The following PTPRS variants were observed in gnomAD, a reference collection of about 807,000 sequenced individuals.
PTPRS encodes the protein protein tyrosine phosphatase receptor type S, also known as receptor-type tyrosine-protein phosphatase S.
In PTPRS, 63 loss-of-function variants were observed where a neutral mutation model predicts 215.3. The observed-to-expected ratio is 0.29, with a 90% CI of 0.24 to 0.36. The LOEUF (loss-of-function observed/expected upper bound fraction) is 0.36, where lower values mean the gene tolerates loss of function less well. Ranked by LOEUF, PTPRS falls within the 10% of genes least tolerant of loss-of-function variation. The pLI is 1.00. For synonymous variants in PTPRS, 1,404 were observed against 1,191.4 expected, an observed-to-expected ratio of 1.18 and a Z score of -3.68; for missense variants, 2,258 against 2,825.8, an observed-to-expected ratio of 0.80 and a Z score of 4.56.
chr19:5,219,412 T>TG lies in PTPRS; in HGVS notation c.3820dup (p.Gln1274ProfsTer40). The stretch of plus-strand genomic sequence containing the variant: ...CCCCTCCTCGCCATCCACGATGGGC[T>TG]GGGGGTCCGGGTTATCCAGCTGGAA... On this transcript the variant is annotated frameshift_variant, in exon 23 of 38. Coordinates refer to ENST00000262963, the MANE Select transcript of PTPRS (RefSeq NM_002850.4). LOFTEE classifies it high-confidence loss of function. The TG allele has an allele frequency of 6.2e-7, 1 of 1,613,030 alleles. No homozygotes were observed. The highest frequency in any genetic ancestry group is 8.5e-7 in the Non-Finnish European group (1 of 1,179,538).
At chr19:5,230,276 G>T (rs890247398) in intron 14 of PTPRS, among the ~76,000 whole-genome samples, 1 of 152,182 alleles carries the variant, frequency 6.6e-6, no homozygotes, top group African/African-American at 2.4e-5. Context: ...CTCAGAAAAC[G>T]AATCAGGTTC....
At chr19:5,267,383 G>A (rs1018237311) in intron 4 of PTPRS, among the ~76,000 whole-genome samples, 11 of 152,118 alleles carry the variant, frequency 7.2e-5, no homozygotes, top group African/African-American at 1.9e-4. Context: ...TGGGCCGGCC[G>A]TGGGGGCTCA....
chr19:5,208,528 T>A (rs1451617167), intron 35 of PTPRS, 137 bp from the exon 36 acceptor site: 6 of 916,848 alleles, frequency 6.5e-6, no homozygotes, highest in Non-Finnish European at 7.8e-6. Flanking sequence ...GTCGCCCAGG[T>A]TGGAGTGCAA....
chr19:5,294,536 G>A lies in PTPRS; in HGVS notation c.-94-8302C>T, dbSNP rs1167476224. The A allele has an allele frequency of 6.6e-6, 1 of 152,224 alleles. No homozygotes were observed. Among genetic ancestry groups the A allele is most frequent in the African/African-American group, 2.4e-5 (1 of 41,440 alleles). 9.4% of individuals were successfully genotyped at this position (152,224 alleles called of 1,614,324 possible). A position where few individuals can be genotyped will look rare whatever the true frequency, so the allele number is the denominator to read the frequency against. Reference sequence around the variant, plus strand: ...GGGCAAAGGACGTGGGCTTTGATGGGAGACACACAGGCGGCTGTGAGAGCC... The same window carrying A: ...GGGCAAAGGACGTGGGCTTTGATGGAAGACACACAGGCGGCTGTGAGAGCC... On this transcript the variant is annotated intron_variant, in intron 1 of 37. Coordinates refer to ENST00000262963, the MANE Select transcript of PTPRS (RefSeq NM_002850.4). The surrounding 1 kb of genome is among the most constrained non-coding windows in gnomAD (Gnocchi z 5.1).
chr19:5,332,737 C>T (rs911124987), intron 1 of PTPRS, among the ~76,000 whole-genome samples: 1 of 152,256 alleles, frequency 6.6e-6, no homozygotes, highest in Non-Finnish European at 1.5e-5. Flanking sequence ...CTCTCCCTCT[C>T]TGGGCCTTGG....
rs1406195939 is a variant in PTPRS, at chr19:5,253,409, G to A, written c.718+2699C>T. Among the ~76,000 whole-genome samples the A allele has an allele frequency of 6.6e-5, 10 of 152,274 alleles. No individual in the cohort carries two copies. The East Asian group carries it at 9.6e-4, about 15-fold the overall frequency. Reference sequence around the variant, plus strand: ...TTAATTCCTGTGACTGGCTGCTCTGGCAACAATGTAAATACTTGTAGCTTT... The same window carrying A: ...TTAATTCCTGTGACTGGCTGCTCTGACAACAATGTAAATACTTGTAGCTTT... On this transcript the variant is annotated intron_variant, in intron 9 of 37. Transcript: ENST00000262963.
intron 5 of PTPRS, among the ~76,000 whole-genome samples, chr19:5,263,549 G>T (rs908862313): frequency 1.1e-4 from 17 of 152,194 alleles, no homozygotes; most frequent in African/African-American, 4.1e-4. Flanking sequence ...CAAAAAGAGG[G>T]GTGTGTGGAG....
intron 9 of PTPRS, among the ~76,000 whole-genome samples, chr19:5,253,912 G>C (rs1368716776): frequency 6.6e-6 from 1 of 152,184 alleles, no homozygotes; most frequent in Non-Finnish European, 1.5e-5. Context: ...CTGTGATCAA[G>C]GTTCATTTAT....
chr19:5,248,251 C>T (rs1269526889), intron 9 of PTPRS, among the ~76,000 whole-genome samples: 1 of 151,680 alleles, frequency 6.6e-6, no homozygotes, highest in Non-Finnish European at 1.5e-5. Context: ...AAAACGGTAT[C>T]GACGTCCAAA....
chr19:5,229,937 G>A (rs2042883915), intron 14 of PTPRS, among the ~76,000 whole-genome samples: 1 of 151,378 alleles, frequency 6.6e-6, no homozygotes, highest in African/African-American at 2.4e-5. Flanking sequence ...CCTTCCCAGG[G>A]CCTCCAGACA....
Position 5,229,350 on chromosome 19 carries a change from C to CG in PTPRS, c.2350-9dup. 7.3e-7 allele frequency: 1 copy of CG among 1,378,044 alleles called. No homozygotes were observed. Among genetic ancestry groups the CG allele is most frequent in the Non-Finnish European group, 9.4e-7 (1 of 1,060,864 alleles). The allele number at this position is 1,378,044 out of a possible 1,614,324, so 85.4% of individuals were successfully genotyped here. On this transcript the variant is annotated splice_polypyrimidine_tract_variant and intron_variant, in intron 15 of 37. Coordinates refer to ENST00000262963, the MANE Select transcript of PTPRS (RefSeq NM_002850.4). ...CGTGTCATCCGTCTCCCACTGAGCG[C>CG]GGGAGGAGGCGGCAGGGGAGAGAGG...
intron 1 of PTPRS, among the ~76,000 whole-genome samples, chr19:5,308,342 T>C (rs368969070): frequency 6.6e-6 from 1 of 152,162 alleles, no homozygotes; most frequent in African/African-American, 2.4e-5. Flanking sequence ...TCTTTAACTA[T>C]AGATAAATGC....
chr19:5,256,157 G>A, intron 8 of PTPRS, 38 bp from the exon 9 acceptor site: 1 of 1,489,096 alleles, frequency 6.7e-7, no homozygotes, highest in East Asian at 2.3e-5. Context: ...AGAACACAAT[G>A]ACATGGGAAG....
chr19:5,276,904 T>C (rs1013835352), intron 2 of PTPRS, among the ~76,000 whole-genome samples: 2 of 152,160 alleles, frequency 1.3e-5, no homozygotes, highest in Admixed American at 6.6e-5. Context: ...GGCTACAGTA[T>C]CTGTGGAGAA....
At position 5,316,905 on chromosome 19, in the gene PTPRS, C is replaced by T. The variant is rs576992874; in HGVS notation, c.-95+23759G>A. The stretch of plus-strand genomic sequence containing the variant: ...CACTGTTGCTTGCACTCCCAGGCAC[C>T]GGGGACCTGGCTTCTCCCACGGGCG... On this transcript the variant is annotated intron_variant, in intron 1 of 37. Coordinates refer to ENST00000262963, the MANE Select transcript of PTPRS (RefSeq NM_002850.4). Among the ~76,000 whole-genome samples the T allele has an allele frequency of 4.6e-5, 7 of 152,322 alleles. No individual in the cohort carries two copies. In the East Asian group the frequency reaches 7.7e-4, roughly 17 times the overall value.
At chr19:5,241,046 C>T (rs892829872) in intron 11 of PTPRS, among the ~76,000 whole-genome samples, 19 of 150,776 alleles carry the variant, frequency 1.3e-4, no homozygotes, top group Non-Finnish European at 2.4e-4. Context: ...CCCGCCACCA[C>T]GCCCGGCTAA....
rs550123732 is a variant in PTPRS, at chr19:5,243,887, A to G, written c.1570+14T>C. The G allele has an allele frequency of 6.8e-7, 1 of 1,466,322 alleles. No homozygotes were observed. Among genetic ancestry groups the G allele is most frequent in the South Asian group, 1.4e-5 (1 of 71,928 alleles). 90.8% of individuals were successfully genotyped at this position (1,466,322 alleles called of 1,614,324 possible). ...ACGGCCGGGGCCCCGAGTCCTGCCG[A>G]CCCCACGCCTCACCTCCCTGCTGCG... On this transcript the variant is annotated intron_variant, in intron 11 of 37. Transcript: ENST00000262963.
chr19:5,242,853 CCTAG>C (rs1433197444), intron 11 of PTPRS, among the ~76,000 whole-genome samples: 1 of 152,074 alleles, frequency 6.6e-6, no homozygotes, highest in East Asian at 1.9e-4. Flanking sequence ...CACCATCACG[CCTAG>C]CTAATTTTTA....
intron 1 of PTPRS, among the ~76,000 whole-genome samples, chr19:5,325,667 C>A (rs1414530239): frequency 1.3e-5 from 2 of 152,380 alleles, no homozygotes; most frequent in Admixed American, 1.3e-4. Context: ...CTGTGCTCCC[C>A]AAGCACTGGG....
Sources: allele counts gnomAD v4.1 joint callset (sites outside exome capture counted in the v4.1 genomes callset), GRCh38; gene constraint gnomAD v4.1.1; non-coding constraint Gnocchi (gnomAD v3.1); transcripts MANE v1.5; gene names NCBI Gene and HGNC (gene_info 2026-07-23, HGNC 2026-07-21).